OR51M1: variants seen among roughly 807,000 people sequenced by gnomAD.
The protein encoded by OR51M1 is olfactory receptor 51M1.
For missense variants in OR51M1, 509 were observed against 404.4 expected (o/e 1.26, Z -2.22); for synonymous variants, 199 against 155.1 (o/e 1.28, Z -2.10).
At chr11:5,388,009 C>A (rs756936248) in intron 2 of OR51M1, among the ~76,000 whole-genome samples, 6 of 151,980 alleles carry the variant, frequency 3.9e-5, no homozygotes, top group Non-Finnish European at 4.4e-5. Flanking sequence ...ATGGTAAAAA[C>A]CACAATTACT....
In OR51M1 at chr11:5,390,634, A is replaced by G. The variant is rs1042919836; in HGVS notation, c.*255A>G. 3 of 428,338 alleles carry G rather than the reference A, an allele frequency of 7.0e-6. No homozygotes were observed. The highest frequency in any genetic ancestry group is 2.0e-5 in the African/African-American group (1 of 49,974). The allele number at this position is 428,338 out of a possible 1,614,324, so 26.5% of individuals were successfully genotyped here. On this transcript the variant is annotated 3_prime_UTR_variant, in exon 3 of 3. Transcript: ENST00000642046. ...GCTATCCAGAAGGCAACTTTATTGAAGGTCATCATCAATGTAACTAAAACT... is the reference window on the plus strand; with the variant it reads ...GCTATCCAGAAGGCAACTTTATTGAGGGTCATCATCAATGTAACTAAAACT...
intron 2 of OR51M1, among the ~76,000 whole-genome samples, chr11:5,386,882 ATAT>A (rs1849702954): frequency 6.6e-6 from 1 of 152,110 alleles, no homozygotes. Context: ...ATGGTGAATA[ATAT>A]TATAAAAAAT....
Position 5,390,420 on chromosome 11 carries a change from C to G in OR51M1, c.*41C>G. 4 of 1,490,334 alleles carry G rather than the reference C, an allele frequency of 2.7e-6. No individual in the cohort carries two copies. Among genetic ancestry groups the G allele is most frequent in the Non-Finnish European group, 3.6e-6 (4 of 1,115,408 alleles). 92.3% of individuals were successfully genotyped at this position (1,490,334 alleles called of 1,614,324 possible). Reference sequence around the variant, plus strand: ...CTCCCCCTAGAGGCCTATAAGAAGGCCCCAAATTGGACTGAAAATTTGGAG... The same window carrying G: ...CTCCCCCTAGAGGCCTATAAGAAGGGCCCAAATTGGACTGAAAATTTGGAG... On this transcript the variant is annotated 3_prime_UTR_variant, in exon 3 of 3. Transcript: ENST00000642046.
rs185802644 is a variant in OR51M1, at chr11:5,389,722, G to A, written c.324G>A (p.Ala108=). 2.2e-5 allele frequency: 35 copies of A among 1,613,892 alleles called. No homozygotes were observed. Among genetic ancestry groups the A allele is most frequent in the African/African-American group, 1.3e-4 (10 of 75,044 alleles). Residue 108 remains alanine (A), a synonymous_variant, in exon 3 of 3, where the codon GCG becomes GCA. Transcript: ENST00000642046. The stretch of plus-strand genomic sequence containing the variant: ...ACTCCCATAGTATCTACTTTGGAGC[G>A]TGTCAAATCCAGATGTTCTGCATCC... The part of the protein sequence containing the change: ...WFNSHSIYFG[A]CQIQMFCIHS...
Position 5,390,038 on chromosome 11 carries a change from G to A in OR51M1, c.640G>A (p.Val214Met), listed in dbSNP as rs544105618. The A allele has an allele frequency of 2.5e-6, 4 of 1,613,630 alleles. No individual in the cohort carries two copies. In the African/African-American group the frequency reaches 4.0e-5, roughly 16 times the overall value. Reference protein sequence around the residue: ...ITFNNLYGLMVVVFTVMLDLV... With the variant: ...ITFNNLYGLMMVVFTVMLDLV... The stretch of plus-strand genomic sequence containing the variant: ...CTTCAATAATCTGTATGGACTGATG[G>A]TGGTAGTTTTCACTGTGATGCTGGA... Residue 214 changes from valine (V) to methionine (M), a missense_variant, in exon 3 of 3, where the codon GTG becomes ATG. Physicochemically the swap from Val to Met is conservative, Grantham distance 21. Coordinates refer to ENST00000642046, the MANE Select transcript of OR51M1 (RefSeq NM_001004756.3).
intron 2 of OR51M1, among the ~76,000 whole-genome samples, chr11:5,385,776 T>G (rs963480296): frequency 7.8e-5 from 11 of 141,448 alleles, no homozygotes; most frequent in Non-Finnish European, 1.3e-4. Flanking sequence ...TACAGACACA[T>G]ATATGTATAC....
rs1849671974 is a variant in OR51M1 at position 5,385,389 on chromosome 11, C to G, written c.-85C>G. 1 of 152,232 alleles carries G rather than the reference C, an allele frequency of 6.6e-6. No individual in the cohort carries two copies. The highest frequency in any genetic ancestry group is 1.5e-5 in the Non-Finnish European group (1 of 68,042). 9.4% of individuals were successfully genotyped at this position (152,232 alleles called of 1,614,324 possible). A position where few individuals can be genotyped will look rare whatever the true frequency, so the allele number is the denominator to read the frequency against. ...CTACCAGATCCTTCTCCCTGTCCATCTCATCACTCTGAAGTTGGTGAACAC... is the reference window on the plus strand; with the variant it reads ...CTACCAGATCCTTCTCCCTGTCCATGTCATCACTCTGAAGTTGGTGAACAC... On this transcript the variant is annotated 5_prime_UTR_variant, in exon 2 of 3. In the 5' UTR this introduces an upstream ATG that the reference lacks. Coordinates refer to ENST00000642046, the MANE Select transcript of OR51M1 (RefSeq NM_001004756.3).
rs527789187 is a variant in OR51M1, at chr11:5,389,473, T to C, written c.75T>C (p.Tyr25=). The C allele has an allele frequency of 2.3e-5, 37 of 1,613,900 alleles. No homozygotes were observed. In the South Asian group the frequency reaches 4.1e-4, roughly 18 times the overall value. The change falls in exon 3 of 3, where the codon TAT becomes TAC. Residue 25 remains tyrosine (Y), a synonymous_variant. Coordinates refer to ENST00000642046, the MANE Select transcript of OR51M1 (RefSeq NM_001004756.3). ...TTACTCAGTTTAGCCCCATATTCTA[T>C]CTCACCAGCTTTCCTGGATTGGAAG... The part of the protein sequence containing the change: ...SNITQFSPIF[Y]LTSFPGLEGI...
At chr11:5,388,629 T>C (rs555765210) in intron 2 of OR51M1, among the ~76,000 whole-genome samples, 1 of 149,768 alleles carries the variant, frequency 6.7e-6, no homozygotes, top group Non-Finnish European at 1.5e-5. Flanking sequence ...GATAAGAAAA[T>C]AGGATATACA....
In OR51M1 at chr11:5,390,182, G is replaced by C. The variant is rs772450540; in HGVS notation, c.784G>C (p.Val262Leu). 2 of 1,613,982 alleles carry C rather than the reference G, an allele frequency of 1.2e-6. No individual in the cohort carries two copies. Among genetic ancestry groups the C allele is most frequent in the Admixed American group, 3.3e-5 (2 of 60,028 alleles). ...TCTAPLCAVL[V>L]FFVPMMGLSL... is the part of the protein sequence containing the mutation. ...CACCGCTCCTCTCTGTGCTGTGCTAGTATTCTTTGTGCCCATGATGGGGCT... is the reference window on the plus strand; with the variant it reads ...CACCGCTCCTCTCTGTGCTGTGCTACTATTCTTTGTGCCCATGATGGGGCT... The change falls in exon 3 of 3, where the codon GTA (valine) becomes CTA (leucine). Residue 262 changes from valine (V) to leucine (L), a missense_variant. Val to Leu is a conservative substitution (Grantham distance 32). Coordinates refer to ENST00000642046, the MANE Select transcript of OR51M1 (RefSeq NM_001004756.3).
At chr11:5,384,311 A>T (rs913531671) in intron 1 of OR51M1, among the ~76,000 whole-genome samples, 8 of 152,190 alleles carry the variant, frequency 5.3e-5, no homozygotes, top group Non-Finnish European at 1.2e-4. Context: ...TGCCAGGATT[A>T]TAAGTGTGAA....
intron 2 of OR51M1, among the ~76,000 whole-genome samples, chr11:5,387,055 G>C (rs949778603): frequency 6.6e-6 from 1 of 152,082 alleles, no homozygotes; most frequent in Non-Finnish European, 1.5e-5. Context: ...TAATGTCTAA[G>C]AGCCACCACT....
rs2879737 is a variant in OR51M1 at position 5,391,067 on chromosome 11, A to G, written c.*688A>G. ...AGTCTGACATTAAGCTACAGTCAGTATTTACTTGTAGGTGTTTTAGTTGTG... is the reference window on the plus strand; with the variant it reads ...AGTCTGACATTAAGCTACAGTCAGTGTTTACTTGTAGGTGTTTTAGTTGTG... On this transcript the variant is annotated 3_prime_UTR_variant, in exon 3 of 3. Coordinates refer to ENST00000642046, the MANE Select transcript of OR51M1 (RefSeq NM_001004756.3). 119,817 of 151,960 alleles carry G rather than the reference A, an allele frequency of 0.79. 47,611 individuals are homozygous for G. Among genetic ancestry groups the G allele is most frequent in the Middle Eastern group, 0.84 (246 of 294 alleles). 9.4% of individuals were successfully genotyped at this position (151,960 alleles called of 1,614,324 possible).
At chr11:5,386,590 A>G (rs181904534) in intron 2 of OR51M1, among the ~76,000 whole-genome samples, 37 of 152,212 alleles carry the variant, frequency 2.4e-4, no homozygotes, top group African/African-American at 8.9e-4. Flanking sequence ...CTACTGAAGT[A>G]CTGAAAACAG....
At chr11:5,384,575 C>T (rs116936857) in intron 1 of OR51M1, among the ~76,000 whole-genome samples, 1 of 152,202 alleles carries the variant, frequency 6.6e-6, no homozygotes, top group Non-Finnish European at 1.5e-5. Context: ...CCAGCCCCTC[C>T]CTGGATCATG....
intron 1 of OR51M1, among the ~76,000 whole-genome samples, chr11:5,384,162 TTTG>T (rs924698200): frequency 1.4e-4 from 21 of 152,136 alleles, no homozygotes; most frequent in Non-Finnish European, 2.9e-4. Flanking sequence ...TTTGTTTTCT[TTTG>T]TTGTTGTTTC....
At position 5,390,035 on chromosome 11, in the gene OR51M1, ATGG is replaced by A; in HGVS notation, c.642_644del (p.Val216del). 1 of 1,613,588 alleles carries A rather than the reference ATGG, an allele frequency of 6.2e-7. No homozygotes were observed. Among genetic ancestry groups the A allele is most frequent in the South Asian group, 1.1e-5 (1 of 91,076 alleles). ...CACCTTCAATAATCTGTATGGACTG[ATGG>A]TGGTAGTTTTCACTGTGATGCTGGA... is the stretch of plus-strand genomic sequence containing the variant. On this transcript the variant is annotated inframe_deletion, in exon 3 of 3. Transcript: ENST00000642046.
rs892480502 is a variant in OR51M1 at position 5,392,869 on chromosome 11, G to C, written c.*2490G>C. 6.6e-6 allele frequency: 1 copy of C among 152,090 alleles called. No homozygotes were observed. Among genetic ancestry groups the C allele is most frequent in the Non-Finnish European group, 1.5e-5 (1 of 68,042 alleles). The allele number at this position is 152,090 out of a possible 1,614,324, so 9.4% of individuals were successfully genotyped here. ...GGAGCTTGCAGTGAGCCGAGATCGT[G>C]CCACTGCACTCCAGCCTGGGCAACA... On this transcript the variant is annotated 3_prime_UTR_variant, in exon 3 of 3. Coordinates refer to ENST00000642046, the MANE Select transcript of OR51M1 (RefSeq NM_001004756.3).
Position 5,391,002 on chromosome 11 carries a change from C to T in OR51M1, c.*623C>T, listed in dbSNP as rs948680067. 1.3e-5 allele frequency: 2 copies of T among 152,308 alleles called. No homozygotes were observed. The highest frequency in any genetic ancestry group is 4.8e-5 in the African/African-American group (2 of 41,452). The allele number at this position is 152,308 out of a possible 1,614,324, so 9.4% of individuals were successfully genotyped here. Reference sequence around the variant, plus strand: ...CTAGAAGAAGAGACTTTGATCCTATCCTTGACTCCTCTCATCTCTGATTTT... The same window carrying T: ...CTAGAAGAAGAGACTTTGATCCTATTCTTGACTCCTCTCATCTCTGATTTT... On this transcript the variant is annotated 3_prime_UTR_variant, in exon 3 of 3. Coordinates refer to ENST00000642046, the MANE Select transcript of OR51M1 (RefSeq NM_001004756.3).
Sources: gnomAD v4.1 joint callset for allele counts (sites outside exome capture counted in the v4.1 genomes callset) on GRCh38, gnomAD v4.1.1 for gene constraint, MANE v1.5 for transcripts, NCBI Gene and HGNC (gene_info 2026-07-23, HGNC 2026-07-21) for gene names.